The following FGD3 variants were observed in gnomAD, a reference collection of about 807,000 sequenced individuals.
The protein encoded by FGD3 is FYVE, RhoGEF and PH domain-containing protein 3.
Under a neutral mutation model 71.8 loss-of-function variants are expected in FGD3, and 45 were observed. The observed-to-expected ratio is 0.63, with a 90% confidence interval of 0.49 to 0.80. The LOEUF is 0.80. FGD3 is among the 30% of genes least tolerant of loss of function. FGD3 has a pLI of 0.00. For missense variants in FGD3, 844 were observed against 951.5 expected (o/e 0.89, Z 1.49); for synonymous variants, 378 against 392.8 (o/e 0.96, Z 0.44).
chr9:93,033,025 T>G (rs1405725955), intron 16 of FGD3, 152 bp downstream of exon 16: 5 of 757,880 alleles, frequency 6.6e-6, no homozygotes, highest in Non-Finnish European at 9.2e-6. Flanking sequence ...GCCCCCAGGC[T>G]GGGAACACAC....
At chr9:93,013,820 C>T (rs1357740254) in intron 8 of FGD3, 32 bp from the exon 9 acceptor site, 1 of 1,611,152 alleles carries the variant, frequency 6.2e-7, no homozygotes, top group South Asian at 1.1e-5. Context: ...CTCTCACAGA[C>T]CTTTGGTGCC....
Position 92,976,226 on chromosome 9 carries a change from C to T in FGD3, c.-31C>T. ...CCTACAGGAAGCCCCTGGCCAGCCT[C>T]CACCTGAGCCCAGTGAGCTCAGCTT... On this transcript the variant is annotated 5_prime_UTR_variant, in exon 3 of 18. Coordinates refer to ENST00000375482, the MANE Select transcript of FGD3 (RefSeq NM_001083536.2). The T allele has an allele frequency of 2.0e-6, 3 of 1,504,044 alleles. No individual in the cohort carries two copies. The South Asian group carries it at 3.9e-5, about 20-fold the overall frequency. The allele number at this position is 1,504,044 out of a possible 1,614,324, so 93.2% of individuals were successfully genotyped here.
intron 1 of FGD3, among the ~76,000 whole-genome samples, chr9:92,973,983 G>A (rs1033936781): frequency 3.9e-5 from 6 of 152,188 alleles, no homozygotes; most frequent in African/African-American, 9.7e-5. Flanking sequence ...AATGGTCTCT[G>A]GGCAGTGAGC....
chr9:92,953,336 A>G (rs796117508), intron 1 of FGD3, among the ~76,000 whole-genome samples: 7 of 152,308 alleles, frequency 4.6e-5, no homozygotes, highest in African/African-American at 1.7e-4. Flanking sequence ...TAATGTTATC[A>G]TAGCCAACTG....
chr9:93,035,779 CA>C lies in FGD3; in HGVS notation c.*191del. On this transcript the variant is annotated 3_prime_UTR_variant, in exon 18 of 18. Coordinates refer to ENST00000375482, the MANE Select transcript of FGD3 (RefSeq NM_001083536.2). ...GGGCAACCACTGGCCAAGGGTCACC[CA>C]GCAAGTTTTGGCTAAGAGCCTGGCC... is the stretch of plus-strand genomic sequence containing the variant. The C allele has an allele frequency of 1.1e-6, 1 of 880,930 alleles. No homozygotes were observed. The highest frequency in any genetic ancestry group is 1.6e-6 in the Non-Finnish European group (1 of 616,364). The allele number at this position is 880,930 out of a possible 1,614,324, so 54.6% of individuals were successfully genotyped here. A position where few individuals can be genotyped will look rare whatever the true frequency, so the allele number is the denominator to read the frequency against.
intron 1 of FGD3, among the ~76,000 whole-genome samples, chr9:92,971,549 T>C (rs148373913): frequency 1.9e-4 from 15 of 80,732 alleles, no homozygotes; most frequent in African/African-American, 7.7e-4. Context: ...GATTTTTCTT[T>C]TCTTTTCTTT....
intron 1 of FGD3, among the ~76,000 whole-genome samples, chr9:92,973,385 G>C (rs927013369): frequency 2.0e-5 from 3 of 152,132 alleles, no homozygotes. Context: ...AAAGTGCTGG[G>C]ATTACAGGCG....
intron 14 of FGD3, among the ~76,000 whole-genome samples, chr9:93,027,822 C>T (rs556389616): frequency 6.8e-6 from 1 of 147,448 alleles, no homozygotes; most frequent in Non-Finnish European, 1.5e-5. Context: ...CAGGCTCAAG[C>T]GATCCTCCTA....
intron 1 of FGD3, among the ~76,000 whole-genome samples, chr9:92,956,849 TTTTTTTG>T: frequency 6.8e-6 from 1 of 147,526 alleles, no homozygotes; most frequent in East Asian, 2.0e-4. Flanking sequence ...TTTTTTTTTT[TTTTTTTG>T]AAGACAGAGC....
chr9:93,003,126 T>C lies in FGD3; in HGVS notation c.543+112T>C. 2.9e-6 allele frequency: 3 copies of C among 1,040,942 alleles called. No individual in the cohort carries two copies. The highest frequency in any genetic ancestry group is 3.0e-5 in the South Asian group (2 of 66,578). The allele number at this position is 1,040,942 out of a possible 1,614,324, so 64.5% of individuals were successfully genotyped here. A position where few individuals can be genotyped will look rare whatever the true frequency, so the allele number is the denominator to read the frequency against. The stretch of plus-strand genomic sequence containing the variant: ...AACTCAGACAAATTTAAGTCTGGTC[T>C]ACAAACTTTTTTTTTTTTTTGAGAC... On this transcript the variant is annotated intron_variant, in intron 4 of 17. Transcript: ENST00000375482. The surrounding 1 kb of genome is among the most constrained non-coding windows in gnomAD (Gnocchi z 4.1).
chr9:92,975,631 G>A (rs1469250438), intron 2 of FGD3, among the ~76,000 whole-genome samples: 1 of 152,198 alleles, frequency 6.6e-6, no homozygotes, highest in Non-Finnish European at 1.5e-5. Flanking sequence ...GTGCACAGGA[G>A]GGAGGAGGAG....
At chr9:93,022,599 T>A (rs770003569) in intron 14 of FGD3, among the ~76,000 whole-genome samples, 4 of 152,010 alleles carry the variant, frequency 2.6e-5, no homozygotes, top group Non-Finnish European at 5.9e-5. Context: ...TGATGAATTG[T>A]GTGGTCACTG....
At chr9:93,020,894 C>T (rs1162057186) in intron 13 of FGD3, among the ~76,000 whole-genome samples, 2 of 152,230 alleles carry the variant, frequency 1.3e-5, no homozygotes, top group African/African-American at 2.4e-5. Flanking sequence ...CTGCTGGGCC[C>T]CAGGCCCGTG....
intron 1 of FGD3, among the ~76,000 whole-genome samples, chr9:92,963,100 C>G (rs1193475961): frequency 6.6e-6 from 1 of 152,098 alleles, no homozygotes; most frequent in African/African-American, 2.4e-5. Flanking sequence ...GGGACAAACT[C>G]CACATCACCT....
At chr9:92,976,778 A>C in intron 3 of FGD3, 69 bp downstream of exon 3, 2 of 1,426,926 alleles carry the variant, frequency 1.4e-6, no homozygotes, top group African/African-American at 1.4e-5. Context: ...TGAGATTTTC[A>C]GTGGGCGTCA....
chr9:93,005,711 T>C (rs534319014), intron 5 of FGD3, among the ~76,000 whole-genome samples: 4 of 152,378 alleles, frequency 2.6e-5, no homozygotes, highest in African/African-American at 9.6e-5. Flanking sequence ...GTTGGTTCTC[T>C]TTGATAACTG....
At chr9:93,033,099 A>C (rs1340717405) in intron 16 of FGD3, 4 of 607,308 alleles carry the variant, frequency 6.6e-6, no homozygotes, top group Non-Finnish European at 1.2e-5. Context: ...CTTGGGAACC[A>C]TTTGCATCCA....
At chr9:93,032,985 C>T (rs1356152135) in intron 16 of FGD3, 112 bp downstream of exon 16, 4 of 1,050,934 alleles carry the variant, frequency 3.8e-6, no homozygotes, top group Middle Eastern at 2.0e-4. Context: ...GTCCCTGGGA[C>T]CAGGATAGAT....
chr9:92,978,780 C>T (rs1203282922), intron 3 of FGD3, among the ~76,000 whole-genome samples: 1 of 87,966 alleles, frequency 1.1e-5, no homozygotes, highest in Non-Finnish European at 2.3e-5. Context: ...CTCCCCTCCC[C>T]TCCCCTCCCC....
Sources: allele counts gnomAD v4.1 joint callset (sites outside exome capture counted in the v4.1 genomes callset), GRCh38; gene constraint gnomAD v4.1.1; non-coding constraint Gnocchi (gnomAD v3.1); transcripts MANE v1.5; gene names NCBI Gene and HGNC (gene_info 2026-07-23, HGNC 2026-07-21).